The following SETX variants were observed in gnomAD, a reference collection of about 807,000 sequenced individuals.
SETX encodes the protein senataxin, also known as helicase senataxin.
Under a neutral mutation model 227.2 loss-of-function variants are expected in SETX, and 90 were observed. The observed-to-expected ratio is 0.40, with a 90% CI of 0.33 to 0.47. SETX has a LOEUF of 0.47. Ranked by LOEUF, SETX falls within the 20% of genes least tolerant of loss-of-function variation. The pLI, the probability that SETX is intolerant of heterozygous loss-of-function variation, is 0.91. For missense variants in SETX, 3,052 were observed against 3,181.5 expected (o/e 0.96, Z 0.98); for synonymous variants, 1,210 against 1,113.2 (o/e 1.09, Z -1.73).
chr9:132,267,509 A>G (rs761872245), intron 25 of SETX, among the ~76,000 whole-genome samples: 1 of 152,254 alleles, frequency 6.6e-6, no homozygotes, highest in African/African-American at 2.4e-5. Flanking sequence ...CCATTCCCAT[A>G]AGGGGAACTA....
At chr9:132,340,915 C>T (rs1270501986) in intron 5 of SETX, among the ~76,000 whole-genome samples, 1 of 152,204 alleles carries the variant, frequency 6.6e-6, no homozygotes, top group Non-Finnish European at 1.5e-5. Context: ...TATTCTCTGG[C>T]TGTGGGAGAA....
At position 132,327,947 on chromosome 9, in the gene SETX, C is replaced by T. The variant is rs111419285; in HGVS notation, c.3651G>A (p.Thr1217=). 8.4e-5 allele frequency: 136 copies of T among 1,614,002 alleles called. 2 individuals carry two copies. In the African/African-American group the frequency reaches 1.2e-3, roughly 14 times the overall value. Residue 1217 remains threonine (T), a synonymous_variant, in exon 10 of 26, where the codon ACG becomes ACA. Transcript: ENST00000224140. ...TPNSRIQRAT[T]VSQKKSSKLC... ...GCTTTGAAGACTTCTTTTGTGAAACCGTAGTGGCTCTCTGAATACGTGAAT... is the reference window on the plus strand; with the variant it reads ...GCTTTGAAGACTTCTTTTGTGAAACTGTAGTGGCTCTCTGAATACGTGAAT...
upstream of SETX, among the ~76,000 whole-genome samples, chr9:132,355,447 A>G (rs544674): frequency 0.8 from 121,967 of 152,278 alleles, 49,366 homozygotes; most frequent in Non-Finnish European, 0.86. Context: ...TGTAAATTAC[A>G]TAAACGTGTA....
intron 3 of SETX, among the ~76,000 whole-genome samples, chr9:132,348,393 C>T (rs1449362757): frequency 2.3e-5 from 3 of 132,636 alleles, no homozygotes; most frequent in Non-Finnish European, 5.0e-5. Flanking sequence ...AAAAAACAAC[C>T]CACTAACAAA....
intron 13 of SETX, 142 bp from the exon 14 acceptor site, chr9:132,297,196 C>A: frequency 1.5e-6 from 1 of 682,418 alleles, no homozygotes; most frequent in Non-Finnish European, 2.5e-6. Flanking sequence ...ACAAGGACAC[C>A]AAAGTGACCT....
intron 7 of SETX, among the ~76,000 whole-genome samples, 184 bp downstream of exon 7, chr9:132,334,424 G>A (rs1432291729): frequency 6.6e-6 from 1 of 152,072 alleles, no homozygotes; most frequent in African/African-American, 2.4e-5. Flanking sequence ...CTCCAGCCTG[G>A]GCAACAAGAG....
At chr9:132,284,240 A>G (rs1296536276) in intron 18 of SETX, among the ~76,000 whole-genome samples, 2 of 152,216 alleles carry the variant, frequency 1.3e-5, no homozygotes, top group Non-Finnish European at 1.5e-5. Flanking sequence ...CCCACAGAAC[A>G]CATGTGATGA....
At position 132,275,338 on chromosome 9, in the gene SETX, G is replaced by C. The variant is rs896341438; in HGVS notation, c.7018C>G (p.Arg2340Gly). 20 of 1,612,834 alleles carry C rather than the reference G, an allele frequency of 1.2e-5. 1 individual carries two copies. The highest frequency in any genetic ancestry group is 1.7e-5 in the Non-Finnish European group (20 of 1,178,986). Residue 2340 changes from arginine (R) to glycine (G), a missense_variant, in exon 23 of 26, where the codon CGA becomes GGA. Physicochemically the swap from Arg to Gly is moderately radical, Grantham distance 125. Transcript: ENST00000224140. ...TAATGAGTTATTATGCCAATGTTTC[G>C]AAAACTAACATCCTTTCTTTTGTCT... ...IKDKRKDVSF[R>G]NIGIITHYKA...
intron 23 of SETX, among the ~76,000 whole-genome samples, chr9:132,274,716 G>A (rs1843071699): frequency 6.6e-6 from 1 of 152,000 alleles, no homozygotes; most frequent in Non-Finnish European, 1.5e-5. Flanking sequence ...AAAGTGCTGG[G>A]ATTACAGGTG....
At chr9:132,285,512 C>T (rs1443651404) in intron 18 of SETX, among the ~76,000 whole-genome samples, 1 of 151,232 alleles carries the variant, frequency 6.6e-6, no homozygotes, top group Non-Finnish European at 1.5e-5. Flanking sequence ...TTTGGGAGGC[C>T]GAGACGGGGG....
chr9:132,265,048 A>T, intron 25 of SETX, 63 bp from the exon 26 acceptor site: 1 of 1,582,962 alleles, frequency 6.3e-7, no homozygotes, highest in Non-Finnish European at 8.6e-7. Flanking sequence ...GGAAGCATAG[A>T]GTTCCAGCTT....
chr9:132,271,778 G>A lies in SETX; in HGVS notation c.7131C>T (p.Phe2377=), dbSNP rs370787187. The part of the protein sequence containing the change: ...GPAEVDTVDA[F]QGRQKDCVIV... The stretch of plus-strand genomic sequence containing the variant: ...TAACACAATCCTTCTGCCGACCCTG[G>A]AATGCATCCACAGTGTCTACTTCTG... The change falls in exon 24 of 26, where the codon TTC becomes TTT. Residue 2377 remains phenylalanine (F), a synonymous_variant. Coordinates refer to ENST00000224140, the MANE Select transcript of SETX (RefSeq NM_015046.7). 13 of 1,613,832 alleles carry A rather than the reference G, an allele frequency of 8.1e-6. No individual in the cohort carries two copies. Among genetic ancestry groups the A allele is most frequent in the Non-Finnish European group, 1.1e-5 (13 of 1,179,966 alleles).
Position 132,271,828 on chromosome 9 carries a change from A to G in SETX, c.7101-20T>C, listed in dbSNP as rs1842917888. On this transcript the variant is annotated intron_variant, in intron 23 of 25. Transcript: ENST00000224140. ...GCTGGTCTATTTACAAAAGAGAAAC[A>G]TATTTACTGGAAAAAGGAAGATAAT... is the stretch of plus-strand genomic sequence containing the variant. 1.3e-6 allele frequency: 2 copies of G among 1,587,776 alleles called. No homozygotes were observed. Among genetic ancestry groups the G allele is most frequent in the Non-Finnish European group, 8.6e-7 (1 of 1,156,274 alleles).
chr9:132,346,533 G>A lies in SETX; in HGVS notation c.178-62C>T, dbSNP rs1018936374. 24 of 1,180,276 alleles carry A rather than the reference G, an allele frequency of 2.0e-5. 1 individual carries two copies. The highest frequency in any genetic ancestry group is 5.3e-4 in the Middle Eastern group (2 of 3,766). The allele number at this position is 1,180,276 out of a possible 1,614,324, so 73.1% of individuals were successfully genotyped here. A position where few individuals can be genotyped will look rare whatever the true frequency, so the allele number is the denominator to read the frequency against. On this transcript the variant is annotated intron_variant, in intron 3 of 25. Coordinates refer to ENST00000224140, the MANE Select transcript of SETX (RefSeq NM_015046.7). The stretch of plus-strand genomic sequence containing the variant: ...TTATCATCAACAAAATACACTGAAT[G>A]TGACGACCTAGAAAGCCTTTTCCTA...
chr9:132,312,455 T>C (rs536477078), intron 10 of SETX, among the ~76,000 whole-genome samples: 15 of 152,366 alleles, frequency 9.8e-5, no homozygotes, highest in African/African-American at 3.4e-4. Context: ...GCTTTCACTT[T>C]TTAAAAAACT....
intron 11 of SETX, among the ~76,000 whole-genome samples, chr9:132,311,435 G>A (rs992461350): frequency 4.6e-5 from 7 of 152,096 alleles, no homozygotes; most frequent in Non-Finnish European, 1.0e-4. Context: ...ACAGATGCCA[G>A]GAAGATTTAC....
In SETX at chr9:132,342,681, C is replaced by CA. The variant is rs1265787006; in HGVS notation, c.498+8dup. On this transcript the variant is annotated intron_variant, in intron 5 of 25. Coordinates refer to ENST00000224140, the MANE Select transcript of SETX (RefSeq NM_015046.7). ...ATATACCCTTCTATCGCCCAACACT[C>CA]ACACTCACCATTTCATTGGGATGGA... is the stretch of plus-strand genomic sequence containing the variant. The CA allele has an allele frequency of 1.3e-6, 2 of 1,565,276 alleles. No homozygotes were observed. Among genetic ancestry groups the CA allele is most frequent in the Admixed American group, 3.3e-5 (2 of 59,962 alleles).
chr9:132,336,790 G>C (rs1458893309), intron 5 of SETX, among the ~76,000 whole-genome samples: 1 of 152,188 alleles, frequency 6.6e-6, no homozygotes, highest in Non-Finnish European at 1.5e-5. Flanking sequence ...CTGGCTGGGT[G>C]CAGTGGCTCA....
At chr9:132,300,479 G>A (rs1238315045) in intron 12 of SETX, 151 bp downstream of exon 12, 1 of 781,770 alleles carries the variant, frequency 1.3e-6, no homozygotes, top group African/African-American at 1.7e-5. Context: ...AGAAAAACTA[G>A]AAAAGAGACT....
Sources: gnomAD v4.1 joint callset for allele counts (sites outside exome capture counted in the v4.1 genomes callset) on GRCh38, gnomAD v4.1.1 for gene constraint, MANE v1.5 for transcripts, NCBI Gene and HGNC (gene_info 2026-07-23, HGNC 2026-07-21) for gene names.